The following ARHGAP42 variants were observed in gnomAD, a reference collection of about 807,000 sequenced individuals.
The protein encoded by ARHGAP42 is rho GTPase-activating protein 42.
A neutral mutation model predicts 125.0 loss-of-function variants in ARHGAP42; 63 were observed. That is an observed-to-expected ratio of 0.50 (90% confidence interval 0.41 to 0.62). ARHGAP42 has a LOEUF of 0.62. ARHGAP42 is among the 20% of genes least tolerant of loss of function. The pLI is 0.00. For missense variants in ARHGAP42, 766 were observed against 1,024.2 expected (o/e 0.75, Z 3.44); for synonymous variants, 339 against 351.0 (o/e 0.97, Z 0.38).
At chr11:100,751,314 C>G (rs558142322) in intron 1 of ARHGAP42, among the ~76,000 whole-genome samples, 1 of 125,886 alleles carries the variant, frequency 7.9e-6, no homozygotes, top group East Asian at 2.1e-4. Flanking sequence ...GGGAGCCTTG[C>G]TCTGTTTCCA....
At chr11:100,743,282 A>G (rs990508026) in intron 1 of ARHGAP42, among the ~76,000 whole-genome samples, 4 of 152,134 alleles carry the variant, frequency 2.6e-5, no homozygotes, top group Non-Finnish European at 4.4e-5. Flanking sequence ...TTCTCCCCAC[A>G]TTTGTTTGTC....
intron 3 of ARHGAP42, among the ~76,000 whole-genome samples, chr11:100,829,422 A>G (rs1864610262): frequency 6.6e-6 from 1 of 152,050 alleles, no homozygotes. Context: ...CTGCTATCAC[A>G]GGACCAGTCA....
chr11:100,971,108 C>T (rs1774826838), intron 17 of ARHGAP42, among the ~76,000 whole-genome samples: 1 of 152,096 alleles, frequency 6.6e-6, no homozygotes, highest in African/African-American at 2.4e-5. Context: ...GCCAGTTGTA[C>T]CTCAAAAGCC....
chr11:100,858,365 A>G (rs1013966149), intron 3 of ARHGAP42, among the ~76,000 whole-genome samples: 3 of 152,030 alleles, frequency 2.0e-5, no homozygotes, highest in Non-Finnish European at 1.5e-5. Flanking sequence ...ATGCTTTCAC[A>G]GCATAGGATT....
intron 4 of ARHGAP42, among the ~76,000 whole-genome samples, chr11:100,870,316 AT>A (rs1203718360): frequency 6.6e-6 from 1 of 152,142 alleles, no homozygotes; most frequent in East Asian, 1.9e-4. Flanking sequence ...ATAGGACACA[AT>A]TTCCCTGTGA....
chr11:100,839,884 T>C (rs1834073144), intron 3 of ARHGAP42: 1 of 152,166 alleles, frequency 6.6e-6, no homozygotes, highest in Non-Finnish European at 1.5e-5. Context: ...ATTCTTAAGA[T>C]ACATGGAGCT....
intron 6 of ARHGAP42, among the ~76,000 whole-genome samples, chr11:100,928,478 T>C (rs962785533): frequency 4.6e-5 from 7 of 151,888 alleles, no homozygotes; most frequent in Non-Finnish European, 8.8e-5. Flanking sequence ...TCTTAGCTAC[T>C]TGGGGGCTGA....
At chr11:100,831,372 A>T (rs1864659800) in intron 3 of ARHGAP42, among the ~76,000 whole-genome samples, 1 of 152,238 alleles carries the variant, frequency 6.6e-6, no homozygotes, top group Non-Finnish European at 1.5e-5. Context: ...AATGAATAAA[A>T]GTAAAATTTT....
At chr11:100,963,284 G>A (rs1462248242) in intron 16 of ARHGAP42, among the ~76,000 whole-genome samples, 2 of 152,160 alleles carry the variant, frequency 1.3e-5, no homozygotes, top group Admixed American at 6.5e-5. Context: ...CATATGATAT[G>A]AATAGATAGA....
At position 100,992,925 on chromosome 11, in the gene ARHGAP42, T is replaced by C. The variant is rs535443; in HGVS notation, c.*4124T>C. ...TTCCCCTTGGCACTCATGAGAGAGA[T>C]GCCAAGTTCAGTGTGGATTTTTCTT... On this transcript the variant is annotated 3_prime_UTR_variant, in exon 24 of 24. Transcript: ENST00000298815. 5,766 of 494,132 alleles carry C rather than the reference T, an allele frequency of 0.012. 281 individuals are homozygous for C. The highest frequency in any genetic ancestry group is 0.1 in the African/African-American group (5,172 of 50,668). 30.6% of individuals were successfully genotyped at this position (494,132 alleles called of 1,614,324 possible). A position where few individuals can be genotyped will look rare whatever the true frequency, so the allele number is the denominator to read the frequency against.
chr11:100,725,914 G>A (rs1272573464), intron 1 of ARHGAP42, among the ~76,000 whole-genome samples: 28 of 135,238 alleles, frequency 2.1e-4, no homozygotes, highest in African/African-American at 7.3e-4. Context: ...CAGCCTGGGG[G>A]ACAGAGTGAG....
intron 3 of ARHGAP42, among the ~76,000 whole-genome samples, chr11:100,835,059 A>G (rs1864754000): frequency 6.6e-6 from 1 of 152,066 alleles, no homozygotes; most frequent in Non-Finnish European, 1.5e-5. Context: ...ATTTTCCTAT[A>G]AACTCTGAAA....
At chr11:100,829,360 C>CAAAAAA (rs201534837) in intron 3 of ARHGAP42, among the ~76,000 whole-genome samples, 71 of 124,654 alleles carry the variant, frequency 5.7e-4, no homozygotes, top group Non-Finnish European at 1.1e-3. Flanking sequence ...ACCCTGTCTT[C>CAAAAAA]AAAAAAAAAA....
chr11:100,948,763 C>T (rs745685982), intron 11 of ARHGAP42, among the ~76,000 whole-genome samples: 1 of 152,016 alleles, frequency 6.6e-6, no homozygotes, highest in African/African-American at 2.4e-5. Flanking sequence ...ATTTAAAACC[C>T]TAAAATTACT....
At chr11:100,808,285 C>A (rs949322104) in intron 3 of ARHGAP42, among the ~76,000 whole-genome samples, 4 of 151,044 alleles carry the variant, frequency 2.6e-5, no homozygotes, top group South Asian at 2.1e-4. Flanking sequence ...TTATGCACTA[C>A]AGAAGAAAAT....
At chr11:100,985,391 G>C (rs899484185) in intron 22 of ARHGAP42, among the ~76,000 whole-genome samples, 3 of 152,010 alleles carry the variant, frequency 2.0e-5, no homozygotes, top group African/African-American at 7.3e-5. Context: ...TTAGGAAAAT[G>C]GTTCTGAAGT....
chr11:100,984,634 G>T (rs1858627959), intron 22 of ARHGAP42, among the ~76,000 whole-genome samples: 1 of 151,884 alleles, frequency 6.6e-6, no homozygotes, highest in Non-Finnish European at 1.5e-5. Flanking sequence ...CTCATTAAAT[G>T]CATTAGACGG....
At chr11:100,755,596 G>A (rs1862551634) in intron 1 of ARHGAP42, among the ~76,000 whole-genome samples, 1 of 152,184 alleles carries the variant, frequency 6.6e-6, no homozygotes, top group Non-Finnish European at 1.5e-5. Flanking sequence ...TAAATAAGCA[G>A]CTGCTGGTAG....
At chr11:100,930,151 A>G (rs1018328823) in intron 6 of ARHGAP42, among the ~76,000 whole-genome samples, 1 of 152,230 alleles carries the variant, frequency 6.6e-6, no homozygotes, top group South Asian at 2.1e-4. Context: ...TTATTATTTT[A>G]AAGGTCAAAT....
Sources: allele counts gnomAD v4.1 joint callset (sites outside exome capture counted in the v4.1 genomes callset), GRCh38; gene constraint gnomAD v4.1.1; transcripts MANE v1.5; gene names NCBI Gene and HGNC (gene_info 2026-07-23, HGNC 2026-07-21).